Variants in MAGI2 observed in about 807,000 individuals in gnomAD.
MAGI2 encodes membrane-associated guanylate kinase, WW and PDZ domain-containing protein 2.
Under a neutral mutation model 133.3 loss-of-function variants are expected in MAGI2, and 35 were observed. The ratio of observed to expected loss-of-function variants is 0.26; its 90% CI spans 0.20 to 0.35. The LOEUF is 0.35. Ranked by LOEUF, MAGI2 falls within the 10% of genes least tolerant of loss-of-function variation. The pLI, the probability that MAGI2 is intolerant of heterozygous loss-of-function variation, is 1.00. For synonymous variants in MAGI2, 729 were observed against 710.6 expected (o/e 1.03, Z -0.41); for missense variants, 1,636 against 1,863.4 (o/e 0.88, Z 2.25).
chr7:79,187,401 A>T (rs1188710038), intron 1 of MAGI2, among the ~76,000 whole-genome samples: 1 of 151,800 alleles, frequency 6.6e-6, no homozygotes, highest in African/African-American at 2.4e-5. Flanking sequence ...AATCTGTACA[A>T]GGAAAAACAT....
chr7:78,738,274 GA>G (rs1822064510), intron 2 of MAGI2, among the ~76,000 whole-genome samples: 1 of 152,134 alleles, frequency 6.6e-6, no homozygotes, highest in Non-Finnish European at 1.5e-5. Context: ...CATGCTTTAA[GA>G]ATCTGTTCAA....
At chr7:78,443,718 T>C (rs1288334194) in intron 6 of MAGI2, among the ~76,000 whole-genome samples, 1 of 152,094 alleles carries the variant, frequency 6.6e-6, no homozygotes, top group Non-Finnish European at 1.5e-5. Context: ...ATCCGATAAT[T>C]TTCTTCCCAT....
At chr7:78,729,382 C>G (rs947720254) in intron 2 of MAGI2, among the ~76,000 whole-genome samples, 1 of 152,190 alleles carries the variant, frequency 6.6e-6, no homozygotes, top group Non-Finnish European at 1.5e-5. Context: ...ATTCATCTAT[C>G]TAATGAAACT....
intron 14 of MAGI2, among the ~76,000 whole-genome samples, chr7:78,173,756 C>T (rs1463473076): frequency 1.3e-5 from 2 of 152,072 alleles, no homozygotes; most frequent in Middle Eastern, 3.2e-3. Context: ...GGGTTGGGTA[C>T]TGGGATGGGA....
At chr7:78,192,523 C>CTTTTTT (rs35559367) in intron 12 of MAGI2, among the ~76,000 whole-genome samples, 2 of 139,908 alleles carry the variant, frequency 1.4e-5, no homozygotes, top group South Asian at 2.3e-4. Flanking sequence ...AAAAGGCTGT[C>CTTTTTT]TTTTTTTTTT....
chr7:78,214,981 T>C (rs1054213552), intron 10 of MAGI2, among the ~76,000 whole-genome samples: 2 of 152,158 alleles, frequency 1.3e-5, no homozygotes, highest in Non-Finnish European at 2.9e-5. Flanking sequence ...ACAGCTTGCA[T>C]CACAGTCCAC....
At chr7:79,137,717 C>T (rs891529465) in intron 1 of MAGI2, among the ~76,000 whole-genome samples, 4 of 152,022 alleles carry the variant, frequency 2.6e-5, no homozygotes, top group Admixed American at 2.6e-4. Context: ...CTCACCTCGG[C>T]CTCCCAAAGT....
chr7:78,630,552 G>A (rs1808867028), intron 2 of MAGI2, among the ~76,000 whole-genome samples: 1 of 151,000 alleles, frequency 6.6e-6, no homozygotes, highest in Admixed American at 6.6e-5. Context: ...GAGTAGCTGT[G>A]ACTATAGGTG....
chr7:79,298,705 A>C (rs1056395209), intron 1 of MAGI2, among the ~76,000 whole-genome samples: 1 of 152,284 alleles, frequency 6.6e-6, no homozygotes, highest in African/African-American at 2.4e-5. Flanking sequence ...CCAGTATCTT[A>C]TAATGTGACC....
intron 4 of MAGI2, among the ~76,000 whole-genome samples, chr7:78,511,198 A>G (rs1288960928): frequency 1.3e-5 from 2 of 152,148 alleles, no homozygotes; most frequent in East Asian, 1.9e-4. Context: ...AAAGAAAAAT[A>G]TGATTGTGTT....
intron 9 of MAGI2, among the ~76,000 whole-genome samples, chr7:78,326,334 C>G (rs1016088498): frequency 2.2e-4 from 33 of 152,234 alleles, no homozygotes; most frequent in African/African-American, 7.7e-4. Flanking sequence ...CTGATCTCTC[C>G]ACATGACATC....
At chr7:78,453,518 C>T (rs373287535) in intron 6 of MAGI2, among the ~76,000 whole-genome samples, 2 of 152,294 alleles carry the variant, frequency 1.3e-5, no homozygotes, top group East Asian at 1.9e-4. Flanking sequence ...TATCTTAGGC[C>T]TCTTCTCTTT....
At chr7:78,043,815 T>TTTATAAACC (rs1811111031) in intron 21 of MAGI2, among the ~76,000 whole-genome samples, 1 of 152,172 alleles carries the variant, frequency 6.6e-6, no homozygotes, top group Non-Finnish European at 1.5e-5. Context: ...CCTTAAGAGG[T>TTTATAAACC]GTAAGTTTCA....
chr7:79,186,230 ATATATATATATATTTATATT>A, intron 1 of MAGI2, among the ~76,000 whole-genome samples: 1 of 67,958 alleles, frequency 1.5e-5, no homozygotes, highest in South Asian at 4.9e-4. Context: ...ATATATATAT[ATATATATATATATTTATATT>A]TATTTATTTA....
intron 21 of MAGI2, among the ~76,000 whole-genome samples, chr7:78,064,185 A>G (rs554022206): frequency 7.9e-5 from 12 of 152,318 alleles, no homozygotes; most frequent in African/African-American, 2.9e-4. Context: ...TTTCTAGCAC[A>G]TTGCAACTTT....
At chr7:78,606,423 G>A (rs1361552165) in intron 3 of MAGI2, among the ~76,000 whole-genome samples, 1 of 151,444 alleles carries the variant, frequency 6.6e-6, no homozygotes, top group African/African-American at 2.4e-5. Flanking sequence ...GCCAAGCAGA[G>A]CCACAAATAT....
intron 6 of MAGI2, 134 bp downstream of exon 6, chr7:78,489,622 CTCTTA>C (rs140842547): frequency 7.0e-6 from 5 of 715,226 alleles, no homozygotes; most frequent in Non-Finnish European, 1.2e-5. Context: ...TTAATTCTCT[CTCTTA>C]TCTGAGCATT....
intron 15 of MAGI2, among the ~76,000 whole-genome samples, chr7:78,163,716 C>T (rs954281230): frequency 6.6e-6 from 1 of 151,840 alleles, no homozygotes; most frequent in Non-Finnish European, 1.5e-5. Flanking sequence ...ATCATCCTGG[C>T]TAACATGGTG....
intron 10 of MAGI2, among the ~76,000 whole-genome samples, chr7:78,224,308 T>C (rs1789131773): frequency 6.6e-6 from 1 of 152,166 alleles, no homozygotes; most frequent in Admixed American, 6.5e-5. Flanking sequence ...TCAGGTTGTG[T>C]GGGAAAAAAG....
Sources: allele counts gnomAD v4.1 joint callset (sites outside exome capture counted in the v4.1 genomes callset), GRCh38; gene constraint gnomAD v4.1.1; transcripts MANE v1.5; gene names NCBI Gene and HGNC (gene_info 2026-07-23, HGNC 2026-07-21).